Variants in ERP44 observed in about 807,000 individuals in gnomAD.
ERP44 encodes the protein endoplasmic reticulum protein 44.
Under a neutral mutation model 53.4 loss-of-function variants are expected in ERP44, and 25 were observed. That is an observed-to-expected ratio of 0.47 (90% CI 0.34 to 0.65). The LOEUF (loss-of-function observed/expected upper bound fraction) is 0.65, where lower values mean the gene tolerates loss of function less well. ERP44 is among the 30% of genes least tolerant of loss of function. The pLI, the probability that ERP44 is intolerant of heterozygous loss-of-function variation, is 0.01. For missense variants in ERP44, 338 were observed against 493.2 expected (o/e 0.69, Z 2.98); for synonymous variants, 145 against 161.2 (o/e 0.90, Z 0.76).
At chr9:100,062,965 TG>T (rs1826168412) in intron 1 of ERP44, among the ~76,000 whole-genome samples, 1 of 150,528 alleles carries the variant, frequency 6.6e-6, no homozygotes, top group African/African-American at 2.4e-5. Flanking sequence ...TCCTAGCTAC[TG>T]GGGAGGCTGA....
intron 1 of ERP44, among the ~76,000 whole-genome samples, chr9:100,068,480 G>T (rs1826256771): frequency 1.4e-5 from 2 of 139,636 alleles, no homozygotes; most frequent in African/African-American, 5.3e-5. Context: ...GAAGTGAGGA[G>T]CCCCTCTGCC....
intron 4 of ERP44, among the ~76,000 whole-genome samples, chr9:100,043,855 TAAGTTCTA>T (rs1825939753): frequency 6.6e-6 from 1 of 151,986 alleles, no homozygotes; most frequent in Non-Finnish European, 1.5e-5. Context: ...ACAGGAGAAA[TAAGTTCTA>T]GTGTTGTTCT....
intron 1 of ERP44, among the ~76,000 whole-genome samples, chr9:100,066,164 C>T (rs537772447): frequency 1.3e-5 from 2 of 152,248 alleles, no homozygotes; most frequent in South Asian, 2.1e-4. Context: ...TAGGAGCAAG[C>T]GTGTAAATTC....
intron 8 of ERP44, among the ~76,000 whole-genome samples, chr9:100,014,119 T>C (rs1830504665): frequency 6.6e-6 from 1 of 152,092 alleles, no homozygotes; most frequent in African/African-American, 2.4e-5. Flanking sequence ...ATTATGAAGA[T>C]GGTAAGTGGG....
Position 100,044,808 on chromosome 9 carries a change from T to C in ERP44, c.286+7609A>G, listed in dbSNP as rs555573527. ...TTTAAAATACCAAGTTTCTAAAAAT[T>C]TGTAAAATTTCAAACTTACCAAAAA... On this transcript the variant is annotated intron_variant, in intron 4 of 11. Coordinates refer to ENST00000262455, the MANE Select transcript of ERP44 (RefSeq NM_015051.3). Among the ~76,000 whole-genome samples, 4 of 152,268 alleles carry C rather than the reference T, an allele frequency of 2.6e-5. No homozygotes were observed. In the South Asian group the frequency reaches 8.3e-4, roughly 32 times the overall value.
chr9:100,096,646 C>G (rs1826634480), intron 1 of ERP44, among the ~76,000 whole-genome samples: 1 of 152,012 alleles, frequency 6.6e-6, no homozygotes, highest in Non-Finnish European at 1.5e-5. Flanking sequence ...TACAAAGTGC[C>G]TGAAGAAAAT....
intron 1 of ERP44, among the ~76,000 whole-genome samples, chr9:100,097,160 T>C (rs1447502234): frequency 6.6e-6 from 1 of 152,174 alleles, no homozygotes; most frequent in African/African-American, 2.4e-5. Flanking sequence ...TAAATCTAGA[T>C]TCTATTTGGG....
At chr9:99,990,199 C>A (rs1251190751) in intron 10 of ERP44, among the ~76,000 whole-genome samples, 2 of 152,118 alleles carry the variant, frequency 1.3e-5, no homozygotes, top group Non-Finnish European at 2.9e-5. Flanking sequence ...ACAAGAGCAA[C>A]CCCAAGACAC....
chr9:100,018,427 T>C lies in ERP44; in HGVS notation c.588-114A>G. The C allele has an allele frequency of 8.7e-6, 6 of 692,104 alleles. No homozygotes were observed. In the South Asian group the frequency reaches 9.7e-5, roughly 11 times the overall value. The allele number at this position is 692,104 out of a possible 1,614,324, so 42.9% of individuals were successfully genotyped here. ...TCTTCCCTATTACAAGACTATGCAA[T>C]ACCAAGAAAAGTATACATTTAAAGA... On this transcript the variant is annotated intron_variant, in intron 6 of 11. Coordinates refer to ENST00000262455, the MANE Select transcript of ERP44 (RefSeq NM_015051.3).
chr9:99,984,581 A>G lies in ERP44; in HGVS notation c.1119+386T>C, dbSNP rs150170374. 8.0e-3 allele frequency among the ~76,000 whole-genome samples: 1,215 copies of G among 152,322 alleles called. 20 individuals are homozygous for G. The highest frequency in any genetic ancestry group is 0.027 in the African/African-American group (1,124 of 41,578). On this transcript the variant is annotated intron_variant, in intron 11 of 11. Coordinates refer to ENST00000262455, the MANE Select transcript of ERP44 (RefSeq NM_015051.3). ...AGAATAACAAATCATTACTTTCTTT[A>G]TAGTGTGGTCAATCTTCCAGCCACA...
At chr9:100,052,212 G>A (rs558451351) in intron 4 of ERP44, among the ~76,000 whole-genome samples, 1 of 151,372 alleles carries the variant, frequency 6.6e-6, no homozygotes, top group South Asian at 2.1e-4. Flanking sequence ...ATGGAAAGTA[G>A]TGTTCTAAGT....
At chr9:100,043,759 A>G (rs1195380209) in intron 4 of ERP44, among the ~76,000 whole-genome samples, 2 of 152,086 alleles carry the variant, frequency 1.3e-5, no homozygotes, top group East Asian at 1.9e-4. Flanking sequence ...TGTCTCAAAC[A>G]GAAAAAAAAA....
chr9:100,078,969 T>C (rs1485265934), intron 1 of ERP44, among the ~76,000 whole-genome samples: 1 of 152,180 alleles, frequency 6.6e-6, no homozygotes, highest in African/African-American at 2.4e-5. Context: ...TTAAAGATTA[T>C]GTATGATCTC....
At chr9:100,061,906 G>A (rs907953558) in intron 1 of ERP44, among the ~76,000 whole-genome samples, 6 of 152,086 alleles carry the variant, frequency 3.9e-5, no homozygotes, top group African/African-American at 1.4e-4. Flanking sequence ...TCCAAAATAT[G>A]GCACATTGGC....
intron 1 of ERP44, among the ~76,000 whole-genome samples, chr9:100,093,419 G>A (rs576148462): frequency 6.6e-6 from 1 of 152,314 alleles, no homozygotes; most frequent in African/African-American, 2.4e-5. Flanking sequence ...CAAAGCGGGT[G>A]GATCGCTTGA....
chr9:100,030,095 AG>A (rs1825765996), intron 4 of ERP44, among the ~76,000 whole-genome samples: 1 of 152,190 alleles, frequency 6.6e-6, no homozygotes, highest in Non-Finnish European at 1.5e-5. Context: ...TCAAAAACAA[AG>A]AAAAAAGAAA....
intron 1 of ERP44, among the ~76,000 whole-genome samples, chr9:100,078,755 A>G (rs961094116): frequency 6.6e-6 from 1 of 152,188 alleles, no homozygotes; most frequent in Admixed American, 6.5e-5. Flanking sequence ...CTTCATCTCA[A>G]AAAACAAAAA....
rs34632626 is a variant in ERP44, at chr9:99,995,920, CTT to C, written c.1016+10584_1016+10585del. On this transcript the variant is annotated intron_variant, in intron 10 of 11. Coordinates refer to ENST00000262455, the MANE Select transcript of ERP44 (RefSeq NM_015051.3). ...GGGATTGCTGGATCATAGGGTAGTT[CTT>C]TTTTTTTTTTTTTTTTTTTATTTTG... is the stretch of plus-strand genomic sequence containing the variant. 3.1e-3 allele frequency among the ~76,000 whole-genome samples: 380 copies of C among 121,402 alleles called. 2 individuals are homozygous for C. Among genetic ancestry groups the C allele is most frequent in the African/African-American group, 7.5e-3 (246 of 32,744 alleles). 79.6% of individuals were successfully genotyped at this position (121,402 alleles called of 152,430 possible).
chr9:100,009,219 C>G (rs1445421872), intron 8 of ERP44, among the ~76,000 whole-genome samples: 3 of 152,172 alleles, frequency 2.0e-5, no homozygotes. Flanking sequence ...TCAAACGATT[C>G]TCCTGTCTCA....
Sources: gnomAD v4.1 joint callset for allele counts (sites outside exome capture counted in the v4.1 genomes callset) on GRCh38, gnomAD v4.1.1 for gene constraint, MANE v1.5 for transcripts, NCBI Gene and HGNC (gene_info 2026-07-23, HGNC 2026-07-21) for gene names.